STXBP5L: variants seen among roughly 807,000 people sequenced by gnomAD.
STXBP5L encodes the protein syntaxin-binding protein 5-like.
A neutral mutation model predicts 144.5 loss-of-function variants in STXBP5L; 65 were observed. The ratio of observed to expected loss-of-function variants is 0.45; its 90% confidence interval spans 0.37 to 0.55. The LOEUF is 0.55. Ranked by LOEUF, STXBP5L falls within the 20% of genes least tolerant of loss-of-function variation. The probability of loss-of-function intolerance (pLI) is 0.00; values close to 1 mark genes in which losing one functional copy is unlikely to be tolerated. For missense variants in STXBP5L, 1,298 were observed against 1,405.5 expected (o/e 0.92, Z 1.22); for synonymous variants, 505 against 469.6 (o/e 1.08, Z -0.97).
chr3:121,152,501 A>G lies in STXBP5L; in HGVS notation c.694A>G (p.Thr232Ala). The G allele has an allele frequency of 6.2e-7, 1 of 1,608,720 alleles. No individual in the cohort carries two copies. The highest frequency in any genetic ancestry group is 8.5e-7 in the Non-Finnish European group (1 of 1,177,624). Reference protein sequence around the residue: ...GKLLIGYENGTVVFWDLKSKR... With the variant: ...GKLLIGYENGAVVFWDLKSKR... Reference sequence around the variant, plus strand: ...GCTGCTAATAGGTTATGAAAATGGTACTGTAGTATTCTGGGACTTGAAATC... The same window carrying G: ...GCTGCTAATAGGTTATGAAAATGGTGCTGTAGTATTCTGGGACTTGAAATC... The change falls in exon 8 of 27, where the codon ACT becomes GCT. Residue 232 changes from threonine (T) to alanine (A), a missense_variant. Physicochemically the swap from Thr to Ala is moderately conservative, Grantham distance 58. Transcript: ENST00000471454.
chr3:121,077,089 C>T (rs191952804), intron 5 of STXBP5L, among the ~76,000 whole-genome samples: 2 of 152,320 alleles, frequency 1.3e-5, no homozygotes, highest in East Asian at 1.9e-4. Context: ...ATCTCTTTCA[C>T]ACACTTTCAC....
chr3:121,367,597 T>A (rs1428710388), intron 20 of STXBP5L, among the ~76,000 whole-genome samples: 1 of 129,096 alleles, frequency 7.7e-6, no homozygotes, highest in Non-Finnish European at 1.6e-5. Context: ...CGACTCTTGT[T>A]TTTTTTTTTT....
intron 3 of STXBP5L, among the ~76,000 whole-genome samples, chr3:121,034,961 A>G (rs2107524695): frequency 6.6e-6 from 1 of 152,262 alleles, no homozygotes; most frequent in Admixed American, 6.5e-5. Flanking sequence ...TATTTCTCTA[A>G]TGAATAGTGT....
At chr3:121,002,324 A>C (rs75042868) in intron 3 of STXBP5L, among the ~76,000 whole-genome samples, 1 of 152,160 alleles carries the variant, frequency 6.6e-6, no homozygotes, top group Non-Finnish European at 1.5e-5. Context: ...GCATTTTCAT[A>C]TATCTATTGT....
intron 9 of STXBP5L, among the ~76,000 whole-genome samples, chr3:121,170,443 A>T (rs183061347): frequency 6.6e-6 from 1 of 152,104 alleles, no homozygotes; most frequent in Non-Finnish European, 1.5e-5. Flanking sequence ...ATAGACCGCT[A>T]GTCAGACTAA....
chr3:120,916,218 G>C (rs1280208947), intron 2 of STXBP5L, among the ~76,000 whole-genome samples: 1 of 152,090 alleles, frequency 6.6e-6, no homozygotes, highest in African/African-American at 2.4e-5. Context: ...GGTATATAAT[G>C]ATGCTATATA....
chr3:120,962,334 G>A (rs969524999), intron 3 of STXBP5L, among the ~76,000 whole-genome samples: 6 of 152,172 alleles, frequency 3.9e-5, no homozygotes, highest in African/African-American at 1.4e-4. Context: ...TGGTGTTTTA[G>A]TCATGAATTC....
At chr3:121,127,487 T>A (rs993927345) in intron 7 of STXBP5L, among the ~76,000 whole-genome samples, 1 of 151,934 alleles carries the variant, frequency 6.6e-6, no homozygotes, top group Non-Finnish European at 1.5e-5. Context: ...TTCCTTGACT[T>A]GTGGCAGTAT....
chr3:121,315,628 TATA>T (rs1244393038), intron 19 of STXBP5L, among the ~76,000 whole-genome samples: 1 of 151,646 alleles, frequency 6.6e-6, no homozygotes, highest in African/African-American at 2.4e-5. Flanking sequence ...AAACTTAAAG[TATA>T]ATAATAATAA....
chr3:121,319,601 C>G (rs1012527991), intron 20 of STXBP5L, among the ~76,000 whole-genome samples: 2 of 152,098 alleles, frequency 1.3e-5, no homozygotes, highest in Non-Finnish European at 2.9e-5. Flanking sequence ...TTGACACCAA[C>G]CCAATTTAGG....
intron 9 of STXBP5L, among the ~76,000 whole-genome samples, chr3:121,190,438 C>G (rs909068259): frequency 6.6e-6 from 1 of 152,222 alleles, no homozygotes; most frequent in Non-Finnish European, 1.5e-5. Context: ...AAAATGGAGT[C>G]TCCTATGTCT....
intron 5 of STXBP5L, among the ~76,000 whole-genome samples, chr3:121,080,768 G>T (rs1182207288): frequency 2.0e-5 from 3 of 152,158 alleles, no homozygotes; most frequent in Non-Finnish European, 4.4e-5. Context: ...CAGCTCTTAA[G>T]ATTCTTTTCT....
intron 3 of STXBP5L, among the ~76,000 whole-genome samples, chr3:121,039,496 G>A (rs1946991906): frequency 1.3e-5 from 2 of 151,636 alleles, no homozygotes; most frequent in Admixed American, 1.3e-4. Context: ...AAGATAACTT[G>A]TATTTTATAT....
intron 3 of STXBP5L, among the ~76,000 whole-genome samples, chr3:121,029,539 A>T (rs1449741997): frequency 2.0e-5 from 3 of 152,182 alleles, no homozygotes; most frequent in East Asian, 3.8e-4. Flanking sequence ...TGCAAGATGG[A>T]TTAAAGACTT....
intron 3 of STXBP5L, among the ~76,000 whole-genome samples, chr3:121,003,701 C>G (rs2108062690): frequency 6.6e-6 from 1 of 152,284 alleles, no homozygotes; most frequent in East Asian, 1.9e-4. Context: ...ACATGTGAGT[C>G]TTTAATCCAT....
At chr3:121,061,501 AG>A in intron 5 of STXBP5L, among the ~76,000 whole-genome samples, 1 of 152,230 alleles carries the variant, frequency 6.6e-6, no homozygotes, top group South Asian at 2.1e-4. Context: ...CTTGGTTGAG[AG>A]CTGATATCAA....
intron 20 of STXBP5L, among the ~76,000 whole-genome samples, chr3:121,332,682 T>A (rs1398839936): frequency 6.6e-6 from 1 of 151,986 alleles, no homozygotes; most frequent in Non-Finnish European, 1.5e-5. Context: ...AACCAAAAAG[T>A]CTAGAAAACC....
intron 5 of STXBP5L, among the ~76,000 whole-genome samples, chr3:121,093,538 A>G (rs1317508015): frequency 2.0e-5 from 3 of 152,192 alleles, no homozygotes; most frequent in Non-Finnish European, 4.4e-5. Context: ...CATTTCTTCT[A>G]GATTTTCTAG....
intron 9 of STXBP5L, among the ~76,000 whole-genome samples, chr3:121,188,747 A>T (rs2047506039): frequency 6.6e-6 from 1 of 152,248 alleles, no homozygotes; most frequent in East Asian, 1.9e-4. Flanking sequence ...AGCCTTTGGC[A>T]AAATTCAACA....
Sources: allele counts gnomAD v4.1 joint callset (sites outside exome capture counted in the v4.1 genomes callset), GRCh38; gene constraint gnomAD v4.1.1; transcripts MANE v1.5; gene names NCBI Gene and HGNC (gene_info 2026-07-23, HGNC 2026-07-21).